Variants in NRG3 observed in about 807,000 individuals in gnomAD.
NRG3 encodes the protein pro-neuregulin-3, membrane-bound isoform.
NRG3 carries 31 observed loss-of-function variants against 66.9 expected under a neutral mutation model. That is an observed-to-expected ratio of 0.46 (90% CI 0.35 to 0.63). The LOEUF is 0.63. Ranked by LOEUF, NRG3 falls within the 20% of genes least tolerant of loss-of-function variation. The pLI is 0.00. For synonymous variants in NRG3, 393 were observed against 359.4 expected (o/e 1.09, Z -1.06); for missense variants, 910 against 878.9 (o/e 1.04, Z -0.45).
At chr10:82,375,032 CAG>C (rs573880844) in intron 2 of NRG3, among the ~76,000 whole-genome samples, 30 of 152,288 alleles carry the variant, frequency 2.0e-4, no homozygotes, top group African/African-American at 6.7e-4. Flanking sequence ...TCTATTATAA[CAG>C]GGGGATTTTA....
intron 3 of NRG3, among the ~76,000 whole-genome samples, chr10:82,810,227 C>T (rs1292401881): frequency 6.6e-6 from 1 of 152,046 alleles, no homozygotes; most frequent in African/African-American, 2.4e-5. Context: ...TAGCCCTACC[C>T]TAAGGTTATG....
intron 1 of NRG3, among the ~76,000 whole-genome samples, chr10:82,057,753 T>C (rs2063920281): frequency 6.6e-6 from 1 of 152,168 alleles, no homozygotes; most frequent in Admixed American, 6.5e-5. Context: ...TCGTATCTAC[T>C]TTAGGCCAAA....
At chr10:82,091,685 T>A (rs893981096) in intron 1 of NRG3, among the ~76,000 whole-genome samples, 22 of 152,310 alleles carry the variant, frequency 1.4e-4, no homozygotes, top group Admixed American at 5.2e-4. Context: ...AAAAATTGAA[T>A]TGCTGAGTCA....
chr10:82,447,812 T>G (rs946600552), intron 2 of NRG3, among the ~76,000 whole-genome samples: 4 of 152,324 alleles, frequency 2.6e-5, no homozygotes, highest in African/African-American at 9.6e-5. Flanking sequence ...GATGGGGAAT[T>G]TTTCAATGAA....
At chr10:82,074,734 G>C (rs574396747) in intron 1 of NRG3, among the ~76,000 whole-genome samples, 1 of 152,284 alleles carries the variant, frequency 6.6e-6, no homozygotes, top group South Asian at 2.1e-4. Context: ...CTACTTAGGA[G>C]GCGGAAGCAA....
intron 1 of NRG3, among the ~76,000 whole-genome samples, chr10:82,242,911 C>T (rs995866062): frequency 2.6e-5 from 4 of 152,186 alleles, no homozygotes; most frequent in African/African-American, 9.7e-5. Flanking sequence ...GGCTGAGTTT[C>T]TACCTACAGT....
intron 3 of NRG3, among the ~76,000 whole-genome samples, chr10:82,820,702 G>T (rs1463735018): frequency 1.3e-5 from 2 of 152,190 alleles, no homozygotes; most frequent in Non-Finnish European, 2.9e-5. Context: ...CCTATTGGCT[G>T]CTGTCTACTT....
At chr10:82,737,045 A>G (rs1237977043) in intron 2 of NRG3, among the ~76,000 whole-genome samples, 3 of 152,176 alleles carry the variant, frequency 2.0e-5, no homozygotes, top group Non-Finnish European at 2.9e-5. Context: ...TATGACAAAT[A>G]TGACTCAGTA....
chr10:82,688,394 C>G (rs2134180194), intron 2 of NRG3, among the ~76,000 whole-genome samples: 1 of 152,236 alleles, frequency 6.6e-6, no homozygotes, highest in South Asian at 2.1e-4. Flanking sequence ...AGAATCACTA[C>G]CATGTTCTTT....
intron 1 of NRG3, among the ~76,000 whole-genome samples, chr10:82,056,552 A>G (rs2063855286): frequency 6.6e-6 from 1 of 152,198 alleles, no homozygotes; most frequent in South Asian, 2.1e-4. Flanking sequence ...ACTTGTTTAA[A>G]TCTGAGAATT....
chr10:82,631,724 T>A (rs2049854161), intron 2 of NRG3, among the ~76,000 whole-genome samples: 1 of 152,078 alleles, frequency 6.6e-6, no homozygotes, highest in Non-Finnish European at 1.5e-5. Context: ...CGTGTCTTTG[T>A]TAGTTTTGTT....
chr10:82,329,236 G>A (rs191990136), intron 1 of NRG3, among the ~76,000 whole-genome samples: 1 of 151,902 alleles, frequency 6.6e-6, no homozygotes, highest in East Asian at 2.0e-4. Flanking sequence ...TTTTAAAAAA[G>A]AATTATTTCT....
At position 81,875,778 on chromosome 10, in the gene NRG3, C is replaced by G. The variant is rs758118024; in HGVS notation, c.438C>G (p.Ala146=). ...SPATPSAGGA[A]SSRTPNRIST... Reference sequence around the variant, plus strand: ...CCACCCCCTCCGCCGGGGGTGCCGCCTCCTCCAGGACGCCCAACCGGATTA... The same window carrying G: ...CCACCCCCTCCGCCGGGGGTGCCGCGTCCTCCAGGACGCCCAACCGGATTA... Residue 146 remains alanine, a synonymous_variant, in exon 1 of 9, where the codon GCC becomes GCG. Transcript: ENST00000372141. This position sits in a 1 kb window ranked among gnomAD's most constrained non-coding sequence, Gnocchi z 5.3. 1 of 1,611,638 alleles carries G rather than the reference C, an allele frequency of 6.2e-7. No individual in the cohort carries two copies. Among genetic ancestry groups the G allele is most frequent in the Non-Finnish European group, 8.5e-7 (1 of 1,179,824 alleles).
At chr10:82,474,461 C>A (rs998373453) in intron 2 of NRG3, among the ~76,000 whole-genome samples, 2 of 151,930 alleles carry the variant, frequency 1.3e-5, no homozygotes, top group Admixed American at 6.6e-5. Flanking sequence ...CTAAAACATA[C>A]AATAACAACT....
intron 2 of NRG3, among the ~76,000 whole-genome samples, chr10:82,730,301 G>A (rs928344099): frequency 2.6e-5 from 4 of 151,660 alleles, no homozygotes; most frequent in Admixed American, 2.0e-4. Context: ...AGCCAGGATG[G>A]TCTCGATCTC....
intron 1 of NRG3, among the ~76,000 whole-genome samples, chr10:82,351,779 T>A (rs2083452005): frequency 6.6e-6 from 1 of 152,194 alleles, no homozygotes; most frequent in Non-Finnish European, 1.5e-5. Flanking sequence ...TGATCTTTTA[T>A]GGAACAAGGC....
chr10:82,649,204 T>C (rs1367583453), intron 2 of NRG3, among the ~76,000 whole-genome samples: 1 of 152,174 alleles, frequency 6.6e-6, no homozygotes, highest in Non-Finnish European at 1.5e-5. Context: ...GCAGATGACA[T>C]GATTGTAGAT....
rs976786681 is a variant in NRG3 at position 82,865,533 on chromosome 10, G to C, written c.1054+96G>C. 26 of 1,282,840 alleles carry C rather than the reference G, an allele frequency of 2.0e-5. No individual in the cohort carries two copies. The Admixed American group carries it at 5.3e-4, about 26-fold the overall frequency. The allele number at this position is 1,282,840 out of a possible 1,614,324, so 79.5% of individuals were successfully genotyped here. A position where few individuals can be genotyped will look rare whatever the true frequency, so the allele number is the denominator to read the frequency against. ...TTCTCCATCTGGTTATAATTGAAATGTCTCATTATCAGATGCTATTAGTAG... is the reference window on the plus strand; with the variant it reads ...TTCTCCATCTGGTTATAATTGAAATCTCTCATTATCAGATGCTATTAGTAG... On this transcript the variant is annotated intron_variant, in intron 4 of 8. Transcript: ENST00000372141.
intron 1 of NRG3, among the ~76,000 whole-genome samples, chr10:82,226,870 A>G (rs368673352): frequency 4.6e-5 from 7 of 152,236 alleles, no homozygotes; most frequent in African/African-American, 1.4e-4. Context: ...GTGCTCAATA[A>G]TTGTCAGTCA....
Sources: allele counts gnomAD v4.1 joint callset (sites outside exome capture counted in the v4.1 genomes callset), GRCh38; gene constraint gnomAD v4.1.1; non-coding constraint Gnocchi (gnomAD v3.1); transcripts MANE v1.5; gene names NCBI Gene and HGNC (gene_info 2026-07-23, HGNC 2026-07-21).